Variants in FLVCR2 observed in about 807,000 individuals in gnomAD.
FLVCR2 encodes FLVCR choline and putative heme transporter 2, also known as choline/ethanolamine transporter FLVCR2.
FLVCR2 carries 38 observed loss-of-function variants against 48.9 expected under a neutral mutation model. The ratio of observed to expected loss-of-function variants is 0.78; its 90% confidence interval spans 0.60 to 1.02. The LOEUF (loss-of-function observed/expected upper bound fraction) is 1.02. Among genes scored for constraint, FLVCR2 ranks in the 50% least tolerant of loss-of-function variants. The probability of loss-of-function intolerance (pLI) is 0.00; values close to 1 mark genes in which losing one functional copy is unlikely to be tolerated. For synonymous variants in FLVCR2, 255 were observed against 257.0 expected, an observed-to-expected ratio of 0.99 and a Z score of 0.07; for missense variants, 664 against 663.3, an observed-to-expected ratio of 1.00 and a Z score of -0.01.
chr14:75,631,267 C>T (rs1890031455), intron 3 of FLVCR2, among the ~76,000 whole-genome samples: 1 of 152,178 alleles, frequency 6.6e-6, no homozygotes, highest in African/African-American at 2.4e-5. Context: ...CCACATTGCT[C>T]TAGGGAGCCA....
At chr14:75,605,501 T>C in intron 1 of FLVCR2, 2 of 1,528,804 alleles carry the variant, frequency 1.3e-6, no homozygotes, top group East Asian at 2.5e-5. Context: ...TCTTTCCTTT[T>C]TCATGCTGTG....
intron 9 of FLVCR2, among the ~76,000 whole-genome samples, chr14:75,643,601 C>T (rs1890352147): frequency 2.0e-5 from 3 of 152,186 alleles, no homozygotes; most frequent in Non-Finnish European, 2.9e-5. Context: ...TTTGCTATTA[C>T]GTTCTAGAGT....
intron 1 of FLVCR2, chr14:75,604,243 G>C (rs1018951997): frequency 6.6e-6 from 1 of 152,202 alleles, no homozygotes; most frequent in Non-Finnish European, 1.5e-5. Flanking sequence ...GTCGGGCCTG[G>C]TTAGTACTTG....
chr14:75,596,971 A>G (rs1261586801), intron 1 of FLVCR2, among the ~76,000 whole-genome samples: 1 of 152,110 alleles, frequency 6.6e-6, no homozygotes, highest in African/African-American at 2.4e-5. Flanking sequence ...ATGTCTTAAA[A>G]CTGCATCAGA....
intron 3 of FLVCR2, among the ~76,000 whole-genome samples, chr14:75,630,165 A>G (rs1890004358): frequency 6.6e-6 from 1 of 152,200 alleles, no homozygotes; most frequent in Non-Finnish European, 1.5e-5. Flanking sequence ...AGATTTCTGG[A>G]AATTCAGATT....
At chr14:75,600,288 C>A (rs1037015476) in intron 1 of FLVCR2, among the ~76,000 whole-genome samples, 1 of 152,034 alleles carries the variant, frequency 6.6e-6, no homozygotes, top group Non-Finnish European at 1.5e-5. Context: ...GGAAAGAAAC[C>A]CTTAGTTCCT....
Position 75,605,442 on chromosome 14 carries a change from C to G in FLVCR2, c.670-16637C>G, listed in dbSNP as rs538021444. On this transcript the variant is annotated intron_variant, in intron 1 of 9. Transcript: ENST00000238667. ...CATAGGTGGGAGGGCACCCTGTAAGCTCTGGTGGCCCAGCCAGACACTTCT... is the reference window on the plus strand; with the variant it reads ...CATAGGTGGGAGGGCACCCTGTAAGGTCTGGTGGCCCAGCCAGACACTTCT... The G allele has an allele frequency of 2.0e-6, 3 of 1,478,140 alleles. No homozygotes were observed. The South Asian group carries it at 4.1e-5, about 20-fold the overall frequency. 91.6% of individuals were successfully genotyped at this position (1,478,140 alleles called of 1,614,324 possible). A position where few individuals can be genotyped will look rare whatever the true frequency, so the allele number is the denominator to read the frequency against.
At chr14:75,618,543 A>C (rs546501566) in intron 1 of FLVCR2, among the ~76,000 whole-genome samples, 51 of 152,324 alleles carry the variant, frequency 3.3e-4, no homozygotes, top group African/African-American at 1.2e-3. Flanking sequence ...ATGTAAGTCA[A>C]CTCAAAACCA....
chr14:75,638,505 G>A (rs1031064239), intron 5 of FLVCR2, among the ~76,000 whole-genome samples: 2 of 152,180 alleles, frequency 1.3e-5, no homozygotes, highest in African/African-American at 2.4e-5. Flanking sequence ...GTTCAAGTAG[G>A]GACAGGAAGA....
At chr14:75,613,471 GC>G (rs1889513424) in intron 1 of FLVCR2, among the ~76,000 whole-genome samples, 1 of 152,026 alleles carries the variant, frequency 6.6e-6, no homozygotes, top group Non-Finnish European at 1.5e-5. Flanking sequence ...TGAGAAATCT[GC>G]CCCCCTGACC....
chr14:75,592,406 A>G (rs940723836), intron 1 of FLVCR2, among the ~76,000 whole-genome samples: 1 of 152,070 alleles, frequency 6.6e-6, no homozygotes, highest in African/African-American at 2.4e-5. Context: ...CTGTGACAGG[A>G]GGAATGGCCT....
At chr14:75,624,352 C>CA (rs961078982) in intron 2 of FLVCR2, among the ~76,000 whole-genome samples, 2 of 128,764 alleles carry the variant, frequency 1.6e-5, no homozygotes, top group East Asian at 2.2e-4. Flanking sequence ...GACTCCGTCT[C>CA]AAAAAAAATA....
intron 1 of FLVCR2, among the ~76,000 whole-genome samples, chr14:75,582,556 T>C (rs1888637370): frequency 6.6e-6 from 1 of 152,184 alleles, no homozygotes; most frequent in Middle Eastern, 3.2e-3. Context: ...GGAGACATGA[T>C]GGCCAGCCTA....
Position 75,647,068 on chromosome 14 carries a change from T to C in FLVCR2, c.*596T>C, listed in dbSNP as rs562185793. The C allele has an allele frequency of 7.9e-5, 13 of 165,480 alleles. No homozygotes were observed. In the South Asian group the frequency reaches 2.0e-3, roughly 26 times the overall value. The allele number at this position is 165,480 out of a possible 1,614,324, so 10.3% of individuals were successfully genotyped here. A position where few individuals can be genotyped will look rare whatever the true frequency, so the allele number is the denominator to read the frequency against. On this transcript the variant is annotated 3_prime_UTR_variant, in exon 10 of 10. Transcript: ENST00000238667. ...AACGGGTCTGTCTCCAAACCCTCTT[T>C]CCTAAGAGCTGAGCAAACCAACCAT...
chr14:75,587,435 C>G (rs1309539102), intron 1 of FLVCR2, among the ~76,000 whole-genome samples: 2 of 152,144 alleles, frequency 1.3e-5, no homozygotes, highest in Admixed American at 1.3e-4. Context: ...TAACACTTGT[C>G]TTCTTTTTTG....
At chr14:75,596,180 AGTGTGGATAGTTACT>A in intron 1 of FLVCR2, 1 of 740,042 alleles carries the variant, frequency 1.4e-6, no homozygotes, top group Non-Finnish European at 2.5e-6. Context: ...TGAACTTTCT[AGTGTGGATAGTTACT>A]GTGTCGTTCA....
At chr14:75,614,318 G>C (rs1188119137) in intron 1 of FLVCR2, among the ~76,000 whole-genome samples, 2 of 152,204 alleles carry the variant, frequency 1.3e-5, no homozygotes, top group Non-Finnish European at 2.9e-5. Flanking sequence ...CAGTGGCAAT[G>C]GTGCTTTCCT....
chr14:75,624,090 G>C (rs976993778), intron 2 of FLVCR2, among the ~76,000 whole-genome samples: 1 of 151,394 alleles, frequency 6.6e-6, no homozygotes, highest in Non-Finnish European at 1.5e-5. Context: ...GTCCGGGTGC[G>C]GTGGCTCACG....
chr14:75,595,275 C>T (rs1484473459), intron 1 of FLVCR2, among the ~76,000 whole-genome samples: 1 of 152,190 alleles, frequency 6.6e-6, no homozygotes, highest in Non-Finnish European at 1.5e-5. Flanking sequence ...TAAGCAATGG[C>T]CCCTAGGTTA....
Sources: gnomAD v4.1 joint callset for allele counts (sites outside exome capture counted in the v4.1 genomes callset) on GRCh38, gnomAD v4.1.1 for gene constraint, MANE v1.5 for transcripts, NCBI Gene and HGNC (gene_info 2026-07-23, HGNC 2026-07-21) for gene names.